LZTR1: variants seen among roughly 807,000 people sequenced by gnomAD.
The protein encoded by LZTR1 is leucine zipper like post translational regulator 1, also known as leucine-zipper-like transcriptional regulator 1.
Under a neutral mutation model 105.7 loss-of-function variants are expected in LZTR1, and 260 were observed. The observed-to-expected ratio is 2.46, with a 90% CI of 2.22 to 2.72. LZTR1 has a LOEUF of 2.72. Ranked by LOEUF, LZTR1 falls within the 30% of genes most tolerant of loss-of-function variation. The probability of loss-of-function intolerance (pLI) is 0.00; values close to 1 mark genes in which losing one functional copy is unlikely to be tolerated. For missense variants in LZTR1, 1,214 were observed against 1,166.9 expected (o/e 1.04, Z -0.59); for synonymous variants, 490 against 476.4 (o/e 1.03, Z -0.37).
rs1323712966 is a variant in LZTR1 at position 20,994,011 on chromosome 22, C to T, written c.1441C>T (p.Leu481=). 6.2e-7 allele frequency: 1 copy of T among 1,607,894 alleles called. No homozygotes were observed. The part of the protein sequence containing the change: ...RRKITQARER[L]AQKLEQEAAP... The stretch of plus-strand genomic sequence containing the variant: ...GAAGATCACGCAGGCGCGGGAGAGG[C>T]TGGCCCAGGTGAGGTGCCTAACCGC... The change falls in exon 13 of 21, where the codon CTG becomes TTG. Residue 481 remains leucine (L), a synonymous_variant. Coordinates refer to ENST00000646124, the MANE Select transcript of LZTR1 (RefSeq NM_006767.4).
intron 10 of LZTR1, 164 bp downstream of exon 10, chr22:20,992,533 C>T: frequency 2.4e-6 from 2 of 850,164 alleles, no homozygotes; most frequent in Non-Finnish European, 3.6e-6. Context: ...GGCCAGGCTG[C>T]AGCTTTCTGG....
chr22:20,990,376 C>G lies in LZTR1; in HGVS notation c.652-10C>G, dbSNP rs200169897. 3 of 1,613,994 alleles carry G rather than the reference C, an allele frequency of 1.9e-6. No individual in the cohort carries two copies. The highest frequency in any genetic ancestry group is 1.7e-6 in the Non-Finnish European group (2 of 1,179,978). On this transcript the variant is annotated splice_polypyrimidine_tract_variant and intron_variant, in intron 7 of 20. Transcript: ENST00000646124. ...TGAGGCCGGGGCTGAGCTGTCCTCT[C>G]CCCCTGCAGGTGGCCCAGAGTGGCG...
Position 20,991,697 on chromosome 22 carries a change from TACC to T in LZTR1, c.863_865del (p.Thr288del). ...CACCCCCGCAGCGGCGCTACGGGCA[TACC>T]ATGGTGGCCTTTGACCGCCACCTCT... On this transcript the variant is annotated inframe_deletion, in exon 9 of 21. Coordinates refer to ENST00000646124, the MANE Select transcript of LZTR1 (RefSeq NM_006767.4). 1 of 1,601,490 alleles carries T rather than the reference TACC, an allele frequency of 6.2e-7. No individual in the cohort carries two copies. The highest frequency in any genetic ancestry group is 2.3e-5 in the East Asian group (1 of 44,444).
In LZTR1 at chr22:20,991,621, C is replaced by G; in HGVS notation, c.792-7C>G. 6.4e-7 allele frequency: 1 copy of G among 1,573,722 alleles called. No individual in the cohort carries two copies. The highest frequency in any genetic ancestry group is 8.6e-7 in the Non-Finnish European group (1 of 1,164,930). The stretch of plus-strand genomic sequence containing the variant: ...CCCAGCATTGATTCACTGTTGTGTA[C>G]CCCCAGGTGGACACGCATCCCAACT... On this transcript the variant is annotated splice_region_variant and splice_polypyrimidine_tract_variant and intron_variant, in intron 8 of 20. Coordinates refer to ENST00000646124, the MANE Select transcript of LZTR1 (RefSeq NM_006767.4).
rs2147968019 is a variant in LZTR1 at position 20,994,667 on chromosome 22, C to T, written c.1725C>T (p.Asp575=). Reference sequence around the variant, plus strand: ...GCCAGTACATCGAGGCCTCCGTGGACCTGCAGAACGTGCTGGTTGTGTGCG... The same window carrying T: ...GCCAGTACATCGAGGCCTCCGTGGATCTGCAGAACGTGCTGGTTGTGTGCG... ...LCRQYIEASV[D]LQNVLVVCES... The change falls in exon 15 of 21, where the codon GAC becomes GAT. Residue 575 remains aspartate (D), a synonymous_variant. Coordinates refer to ENST00000646124, the MANE Select transcript of LZTR1 (RefSeq NM_006767.4). The T allele has an allele frequency of 1.2e-6, 2 of 1,613,086 alleles. No individual in the cohort carries two copies. The highest frequency in any genetic ancestry group is 4.5e-5 in the East Asian group (2 of 44,880).
At chr22:20,987,344 G>A (rs186284838) in intron 3 of LZTR1, among the ~76,000 whole-genome samples, 160 bp from the exon 4 acceptor site, 76 of 150,656 alleles carry the variant, frequency 5.0e-4, no homozygotes, top group Middle Eastern at 3.4e-3. Flanking sequence ...AGCCGGGATC[G>A]TGCCACTGCA....
In LZTR1 at chr22:20,994,603, C is replaced by A. The variant is rs745597950; in HGVS notation, c.1661C>A (p.Ala554Glu). The change falls in exon 15 of 21, where the codon GCA becomes GAA. Residue 554 changes from alanine (A) to glutamate (E), a missense_variant. Transcript: ENST00000646124. ...VLLIMDVYKL[A>E]LSFQLCRLEQ... ...CTCATCATGGATGTGTACAAACTGG[C>A]ACTGAGCTTCCAGTTGTGCCGCCTG... The A allele has an allele frequency of 1.2e-6, 2 of 1,612,530 alleles. No individual in the cohort carries two copies. Among genetic ancestry groups the A allele is most frequent in the Non-Finnish European group, 8.5e-7 (1 of 1,179,968 alleles).
intron 8 of LZTR1, 117 bp from the exon 9 acceptor site, chr22:20,991,511 G>A: frequency 1.3e-6 from 1 of 796,762 alleles, no homozygotes; most frequent in Non-Finnish European, 2.0e-6. Context: ...TCTGGACCCT[G>A]GGCTAGTCAC....
In LZTR1 at chr22:20,993,747, TG is replaced by T. The variant is rs1454665394; in HGVS notation, c.1349del (p.Gly450ValfsTer11). 1.2e-6 allele frequency: 2 copies of T among 1,612,500 alleles called. No individual in the cohort carries two copies. Among genetic ancestry groups the T allele is most frequent in the African/African-American group, 1.3e-5 (1 of 75,050 alleles). Reference sequence around the variant, plus strand: ...CAGTTCTGCGACGTGGAGTTCGTGCTGGGTGAGGTGGGTGCCTGTCCTCGCA... The same window carrying T: ...CAGTTCTGCGACGTGGAGTTCGTGCTGGTGAGGTGGGTGCCTGTCCTCGCA... ...SRQFCDVEFV[L>X]GEKEECVQGH... is the part of the protein sequence containing the mutation. On this transcript the variant is annotated frameshift_variant, in exon 12 of 21. Coordinates refer to ENST00000646124, the MANE Select transcript of LZTR1 (RefSeq NM_006767.4). LOFTEE classifies it high-confidence loss of function.
intron 8 of LZTR1, chr22:20,990,819 G>A: frequency 2.7e-6 from 1 of 366,192 alleles, no homozygotes; most frequent in Non-Finnish European, 5.0e-6. Flanking sequence ...ACCAGTAACA[G>A]ACGTGGCCTG....
intron 2 of LZTR1, among the ~76,000 whole-genome samples, chr22:20,984,612 GA>G (rs200918446): frequency 0.043 from 5,419 of 124,620 alleles, 423 homozygotes; most frequent in South Asian, 0.093. Flanking sequence ...GGCAAGTAAG[GA>G]GGGGGGGGGG....
rs780082097 is a variant in LZTR1 at position 20,993,959 on chromosome 22, C to A, written c.1389C>A (p.Val463=). 6.2e-7 allele frequency: 1 copy of A among 1,612,808 alleles called. No homozygotes were observed. Among genetic ancestry groups the A allele is most frequent in the South Asian group, 1.1e-5 (1 of 90,936 alleles). ...GCGTGCAGGGCCACGTAGCCATTGT[C>A]ACAGCGCGGAGCCGCTGGCTTCGCA... The part of the protein sequence containing the change: ...EECVQGHVAI[V]TARSRWLRRK... Residue 463 remains valine (V), a synonymous_variant, in exon 13 of 21, where the codon GTC becomes GTA. Transcript: ENST00000646124.
At position 20,994,145 on chromosome 22, in the gene LZTR1, C is replaced by G. The variant is rs749713272; in HGVS notation, c.1491C>G (p.Pro497=). Residue 497 remains proline (P), a synonymous_variant, in exon 14 of 21, where the codon CCC becomes CCG. Coordinates refer to ENST00000646124, the MANE Select transcript of LZTR1 (RefSeq NM_006767.4). The part of the protein sequence containing the change: ...QEAAPVPREA[P]GVAAGGARPP... ...CCGCCCCAGTTCCCAGGGAGGCCCC[C>G]GGCGTGGCTGCTGGTGGGGCCCGGC... The G allele has an allele frequency of 5.0e-6, 8 of 1,592,810 alleles. No individual in the cohort carries two copies.
chr22:20,995,669 A>G, intron 16 of LZTR1, 77 bp from the exon 17 acceptor site: 2 of 1,563,750 alleles, frequency 1.3e-6, no homozygotes, highest in Non-Finnish European at 1.8e-6. Context: ...ATGGGCAGAT[A>G]TGCAGGAAGG....
In LZTR1 at chr22:20,997,254, GGTCGCTGA is replaced by G; in HGVS notation, c.2431_2438del (p.Ser811ProfsTer37). 6.2e-7 allele frequency: 1 copy of G among 1,613,724 alleles called. No individual in the cohort carries two copies. The highest frequency in any genetic ancestry group is 8.5e-7 in the Non-Finnish European group (1 of 1,179,816). ...CAGGTCTCCAAGTTGCCCACCCTGC[GGTCGCTGA>G]GCCAGCAGCTGCTGCTGGACATCAT... On this transcript the variant is annotated frameshift_variant, in exon 21 of 21. Coordinates refer to ENST00000646124, the MANE Select transcript of LZTR1 (RefSeq NM_006767.4). LOFTEE classifies it high-confidence loss of function.
Position 20,996,875 on chromosome 22 carries a change from T to G in LZTR1, c.2326-11T>G, listed in dbSNP as rs1421950903. ...GAAAGGGGCAGCGCCTCAAGGTCCC[T>G]GCCATTGCAGATCCTGGAGGCAGCT... On this transcript the variant is annotated splice_polypyrimidine_tract_variant and intron_variant, in intron 19 of 20. Coordinates refer to ENST00000646124, the MANE Select transcript of LZTR1 (RefSeq NM_006767.4). 1 of 1,612,270 alleles carries G rather than the reference T, an allele frequency of 6.2e-7. No homozygotes were observed.
In LZTR1 at chr22:20,991,796, C is replaced by T. The variant is rs1358367275; in HGVS notation, c.960C>T (p.Thr320=). The part of the protein sequence containing the change: ...ELHCYDVDFQ[T]WEVVQPSSDS... Reference sequence around the variant, plus strand: ...ACTGCTATGACGTGGACTTCCAGACCTGGGAGGTCGTCCAGCCCAGCTCCG... The same window carrying T: ...ACTGCTATGACGTGGACTTCCAGACTTGGGAGGTCGTCCAGCCCAGCTCCG... The change falls in exon 9 of 21, where the codon ACC becomes ACT. Residue 320 remains threonine (T), a synonymous_variant. Coordinates refer to ENST00000646124, the MANE Select transcript of LZTR1 (RefSeq NM_006767.4). The T allele has an allele frequency of 6.4e-7, 1 of 1,551,834 alleles. No homozygotes were observed. The highest frequency in any genetic ancestry group is 8.7e-7 in the Non-Finnish European group (1 of 1,147,476).
At chr22:20,991,223 C>T (rs370553376) in intron 8 of LZTR1, 47 of 197,288 alleles carry the variant, frequency 2.4e-4, no homozygotes, top group African/African-American at 1.0e-3. Context: ...ATGTGGGGTA[C>T]AGGCAGCTCC....
chr22:20,994,370 C>G lies in LZTR1; in HGVS notation c.1615+101C>G, dbSNP rs780118664. The G allele has an allele frequency of 5.0e-6, 7 of 1,399,334 alleles. No homozygotes were observed. In the African/African-American group the frequency reaches 7.1e-5, roughly 14 times the overall value. 86.7% of individuals were successfully genotyped at this position (1,399,334 alleles called of 1,614,324 possible). A position where few individuals can be genotyped will look rare whatever the true frequency, so the allele number is the denominator to read the frequency against. ...CAGCCCTGCCTTACTGATGGGCCCC[C>G]TGAGGCTCAGAGGCTGCAGGTCACC... is the stretch of plus-strand genomic sequence containing the variant. On this transcript the variant is annotated intron_variant, in intron 14 of 20. Coordinates refer to ENST00000646124, the MANE Select transcript of LZTR1 (RefSeq NM_006767.4).
Sources: allele counts gnomAD v4.1 joint callset (sites outside exome capture counted in the v4.1 genomes callset), GRCh38; gene constraint gnomAD v4.1.1; transcripts MANE v1.5; gene names NCBI Gene and HGNC (gene_info 2026-07-23, HGNC 2026-07-21).